EPB41L2: variants seen among roughly 807,000 people sequenced by gnomAD.
EPB41L2 encodes band 4.1-like protein 2.
Under a neutral mutation model 113.0 loss-of-function variants are expected in EPB41L2, and 43 were observed. That is an observed-to-expected ratio of 0.38 (90% CI 0.30 to 0.49). The LOEUF is 0.49. Among genes scored for constraint, EPB41L2 ranks in the 20% least tolerant of loss-of-function variants. EPB41L2 has a pLI of 0.95. For synonymous variants in EPB41L2, 442 were observed against 436.7 expected (o/e 1.01, Z -0.15); for missense variants, 1,147 against 1,223.4 (o/e 0.94, Z 0.93).
chr6:131,049,953 G>T (rs1796206211), intron 1 of EPB41L2, among the ~76,000 whole-genome samples: 1 of 152,198 alleles, frequency 6.6e-6, no homozygotes, highest in African/African-American at 2.4e-5. Flanking sequence ...GGCTGTGCCT[G>T]AAGCTCCATT....
At position 131,048,736 on chromosome 6, in the gene EPB41L2, C is replaced by T. The variant is rs146170304; in HGVS notation, c.-15+14419G>A. On this transcript the variant is annotated intron_variant, in intron 1 of 19. Transcript: ENST00000337057. The stretch of plus-strand genomic sequence containing the variant: ...AGGTTCATTATACTACTATTCTCTA[C>T]TTCTGAATATATTGAAAATTTTCCA... Among the ~76,000 whole-genome samples the T allele has an allele frequency of 5.2e-3, 792 of 152,286 alleles. 18 individuals are homozygous for T. Among genetic ancestry groups the T allele is most frequent in the East Asian group, 0.02 (106 of 5,192 alleles).
intron 1 of EPB41L2, among the ~76,000 whole-genome samples, chr6:130,999,018 T>C (rs1341200607): frequency 6.6e-6 from 1 of 152,168 alleles, no homozygotes; most frequent in Non-Finnish European, 1.5e-5. Flanking sequence ...TAAGAGCCAC[T>C]GTCTCCAGGC....
chr6:131,014,756 A>G (rs1787801406), intron 1 of EPB41L2, among the ~76,000 whole-genome samples: 1 of 152,202 alleles, frequency 6.6e-6, no homozygotes, highest in Non-Finnish European at 1.5e-5. Flanking sequence ...GACCCATTAC[A>G]CTTTGATTCA....
At chr6:130,961,604 A>G (rs1397544022) in intron 1 of EPB41L2, among the ~76,000 whole-genome samples, 2 of 152,178 alleles carry the variant, frequency 1.3e-5, no homozygotes, top group Admixed American at 1.3e-4. Flanking sequence ...ACAAACACAC[A>G]AACAACTTCA....
chr6:130,885,692 G>A (rs1035268506), intron 11 of EPB41L2, among the ~76,000 whole-genome samples: 1 of 152,058 alleles, frequency 6.6e-6, no homozygotes, highest in Non-Finnish European at 1.5e-5. Flanking sequence ...AAGATGATTT[G>A]CTCCAATAAG....
intron 1 of EPB41L2, among the ~76,000 whole-genome samples, chr6:130,958,104 G>C (rs1160422253): frequency 2.0e-5 from 3 of 152,176 alleles, no homozygotes; most frequent in East Asian, 3.8e-4. Flanking sequence ...GAGGAGCTAA[G>C]GGAGTGAGGG....
chr6:130,871,849 A>G (rs1387101976), intron 14 of EPB41L2, among the ~76,000 whole-genome samples: 2 of 152,220 alleles, frequency 1.3e-5, no homozygotes, highest in African/African-American at 2.4e-5. Context: ...ACATTTCATT[A>G]TTATTATAGA....
chr6:130,921,624 C>T (rs1349543665), intron 4 of EPB41L2, among the ~76,000 whole-genome samples: 1 of 152,208 alleles, frequency 6.6e-6, no homozygotes, highest in African/African-American at 2.4e-5. Flanking sequence ...ATCCAGAATA[C>T]TGGCCGTAAT....
chr6:131,041,021 GTAAGTGACT>G lies in EPB41L2; in HGVS notation c.-15+22125_-15+22133del, dbSNP rs369245153. Among the ~76,000 whole-genome samples, 4 of 152,206 alleles carry G rather than the reference GTAAGTGACT, an allele frequency of 2.6e-5. No individual in the cohort carries two copies. In the South Asian group the frequency reaches 8.3e-4, roughly 32 times the overall value. On this transcript the variant is annotated intron_variant, in intron 1 of 19. Transcript: ENST00000337057. ...GGAAGGAGAAGAACTATTTTAGATT[GTAAGTGACT>G]TAAGTGACATAACCATAATTAAATG...
chr6:130,865,771 G>A, intron 16 of EPB41L2, 137 bp from the exon 17 acceptor site: 1 of 829,294 alleles, frequency 1.2e-6, no homozygotes, highest in Non-Finnish European at 1.9e-6. Context: ...TACCATCCAG[G>A]AGAGCGGCTG....
chr6:130,898,351 T>C (rs1795267974), intron 8 of EPB41L2, among the ~76,000 whole-genome samples: 1 of 152,148 alleles, frequency 6.6e-6, no homozygotes, highest in Admixed American at 6.5e-5. Flanking sequence ...AAAGACATCA[T>C]TGTGTGGGGA....
intron 1 of EPB41L2, among the ~76,000 whole-genome samples, chr6:130,995,585 C>T (rs1269928101): frequency 6.6e-6 from 1 of 152,232 alleles, no homozygotes; most frequent in Non-Finnish European, 1.5e-5. Flanking sequence ...CCTGGGGCTG[C>T]GTCATGGGTG....
At chr6:130,959,312 T>C (rs570929187) in intron 1 of EPB41L2, among the ~76,000 whole-genome samples, 4 of 152,274 alleles carry the variant, frequency 2.6e-5, no homozygotes, top group South Asian at 2.1e-4. Flanking sequence ...CAGGTTTTGA[T>C]TGGAGACTAG....
chr6:130,895,259 G>T, intron 8 of EPB41L2, 140 bp from the exon 9 acceptor site: 1 of 920,982 alleles, frequency 1.1e-6, no homozygotes, highest in Non-Finnish European at 1.6e-6. Flanking sequence ...AAGTACGCAC[G>T]TTAATGAAAA....
chr6:130,982,044 GATTT>G (rs2128676940), intron 1 of EPB41L2, among the ~76,000 whole-genome samples: 1 of 150,572 alleles, frequency 6.6e-6, no homozygotes, highest in East Asian at 2.0e-4. Context: ...TCAGAACACT[GATTT>G]ATTTTGAGCT....
chr6:130,926,608 C>T lies in EPB41L2; in HGVS notation c.807G>A (p.Gln269=). The change falls in exon 4 of 20, where the codon CAG becomes CAA. Residue 269 remains glutamine, a synonymous_variant. Transcript: ENST00000337057. ...AAATAAACTTGAAATCACTTACTTTCTGCTCAGGGCTTTCCTGAAACAAAA... is the reference window on the plus strand; with the variant it reads ...AAATAAACTTGAAATCACTTACTTTTTGCTCAGGGCTTTCCTGAAACAAAA... ...FGLLFQESPE[Q]KNWLDPAKEI... 6.3e-7 allele frequency: 1 copy of T among 1,589,064 alleles called. No individual in the cohort carries two copies. The highest frequency in any genetic ancestry group is 1.2e-5 in the South Asian group (1 of 86,634).
intron 1 of EPB41L2, among the ~76,000 whole-genome samples, chr6:131,045,526 A>G (rs1299483718): frequency 6.6e-6 from 1 of 152,122 alleles, no homozygotes; most frequent in Non-Finnish European, 1.5e-5. Flanking sequence ...TAAGGACAGA[A>G]CCCTGGGAAA....
At chr6:130,936,025 C>CA (rs991263035) in intron 3 of EPB41L2, among the ~76,000 whole-genome samples, 1 of 152,090 alleles carries the variant, frequency 6.6e-6, no homozygotes, top group Non-Finnish European at 1.5e-5. Context: ...AAATTTTATA[C>CA]AAAAAAAGTT....
intron 1 of EPB41L2, among the ~76,000 whole-genome samples, chr6:130,959,906 C>A (rs1165764207): frequency 1.3e-5 from 2 of 152,182 alleles, no homozygotes; most frequent in Non-Finnish European, 2.9e-5. Flanking sequence ...GGGAACCAAT[C>A]AACTAAGGCT....
Sources: gnomAD v4.1 joint callset for allele counts (sites outside exome capture counted in the v4.1 genomes callset) on GRCh38, gnomAD v4.1.1 for gene constraint, MANE v1.5 for transcripts, NCBI Gene and HGNC (gene_info 2026-07-23, HGNC 2026-07-21) for gene names.